Variants in CLDN18 observed in about 807,000 individuals in gnomAD.
CLDN18 encodes the protein claudin 18, also known as claudin-18.
In CLDN18, 20 loss-of-function variants were observed where a neutral mutation model predicts 25.0. That is an observed-to-expected ratio of 0.80 (90% CI 0.56 to 1.16). The LOEUF is 1.16. CLDN18 is among the 50% of genes most tolerant of loss of function. The pLI, the probability that CLDN18 is intolerant of heterozygous loss-of-function variation, is 0.00. For synonymous variants in CLDN18, 125 were observed against 135.6 expected (o/e 0.92, Z 0.54); for missense variants, 297 against 345.4 (o/e 0.86, Z 1.11).
At chr3:138,005,155 C>A (rs1297268691) in intron 1 of CLDN18, 1 of 152,032 alleles carries the variant, frequency 6.6e-6, no homozygotes, top group Non-Finnish European at 1.5e-5. Context: ...TACAAACTGA[C>A]AATTCAAGAA....
At chr3:138,016,177 C>CT (rs1942200836) in intron 1 of CLDN18, among the ~76,000 whole-genome samples, 1 of 152,072 alleles carries the variant, frequency 6.6e-6, no homozygotes, top group Non-Finnish European at 1.5e-5. Context: ...AAAACTGAGG[C>CT]TGGGGGTGAG....
At chr3:138,017,465 T>C (rs60023627) in intron 1 of CLDN18, among the ~76,000 whole-genome samples, 3,245 of 152,310 alleles carry the variant, frequency 0.021, 115 homozygotes, top group African/African-American at 0.065. Flanking sequence ...GGAATGAAGT[T>C]TTAAACCAAA....
intron 1 of CLDN18, among the ~76,000 whole-genome samples, chr3:138,021,612 G>A (rs540571053): frequency 1.1e-4 from 16 of 151,988 alleles, no homozygotes; most frequent in Non-Finnish European, 7.4e-5. Flanking sequence ...TATACATCCT[G>A]AAATTTTTAT....
chr3:138,027,445 A>G (rs1942339309), intron 3 of CLDN18, among the ~76,000 whole-genome samples: 1 of 152,228 alleles, frequency 6.6e-6, no homozygotes, highest in South Asian at 2.1e-4. Flanking sequence ...TTTGTCCCTC[A>G]TGCTCAGAAG....
chr3:138,019,748 A>G (rs1476490844), intron 1 of CLDN18, among the ~76,000 whole-genome samples: 1 of 147,786 alleles, frequency 6.8e-6, no homozygotes, highest in East Asian at 1.9e-4. Flanking sequence ...GCCTGTGTTG[A>G]AAAAAAACCA....
rs201924367 is a variant in CLDN18 at position 138,010,333 on chromosome 3, C to T, written c.108C>T (p.Tyr36=). ...ACATGTGGAGCACCCAGGACCTGTA[C>T]GACAACCCCGTCACCTCCGTGTTCC... ...GMDMWSTQDL[Y]DNPVTSVFQY... The change falls in exon 1 of 5, where the codon TAC becomes TAT. Residue 36 remains tyrosine (Y), a synonymous_variant. Transcript: ENST00000183605. 4.3e-6 allele frequency: 7 copies of T among 1,614,214 alleles called. No homozygotes were observed. The South Asian group carries it at 4.4e-5, about 10-fold the overall frequency.
intron 3 of CLDN18, among the ~76,000 whole-genome samples, chr3:138,027,141 T>C (rs1455240389): frequency 6.6e-6 from 1 of 152,110 alleles, no homozygotes; most frequent in Non-Finnish European, 1.5e-5. Context: ...GTGTAAAAAA[T>C]CAGAAGATCT....
chr3:137,999,032 G>A (rs772493450), exon 1 of CLDN18: 29 of 1,614,200 alleles, frequency 1.8e-5, no homozygotes, highest in Middle Eastern at 1.6e-4. Context: ...TCCTGTGTCC[G>A]AGAGAGCTCT....
rs1942284072 is a variant in CLDN18, at chr3:138,022,613, G to T, written c.221-1045G>T. 2.6e-5 allele frequency among the ~76,000 whole-genome samples: 4 copies of T among 152,194 alleles called. No individual in the cohort carries two copies. The South Asian group carries it at 8.3e-4, about 32-fold the overall frequency. On this transcript the variant is annotated intron_variant, in intron 1 of 4. Transcript: ENST00000183605. Reference sequence around the variant, plus strand: ...AGGAAAAAAGGGGATATACTGGAGGGATAAAACAATTGGTGTCTAGCACAT... The same window carrying T: ...AGGAAAAAAGGGGATATACTGGAGGTATAAAACAATTGGTGTCTAGCACAT...
chr3:138,002,142 C>A (rs1398787609), intron 1 of CLDN18, among the ~76,000 whole-genome samples: 1 of 152,172 alleles, frequency 6.6e-6, no homozygotes, highest in East Asian at 1.9e-4. Context: ...TTAGCCACCA[C>A]CCTCTCAGCG....
upstream of CLDN18, among the ~76,000 whole-genome samples, chr3:138,005,847 A>G (rs1230226738): frequency 6.6e-6 from 1 of 152,222 alleles, no homozygotes; most frequent in Admixed American, 6.5e-5. Context: ...AAAGAGTTAT[A>G]TGTAAGATGT....
At chr3:138,013,589 C>A (rs1942166548) in intron 1 of CLDN18, among the ~76,000 whole-genome samples, 1 of 152,218 alleles carries the variant, frequency 6.6e-6, no homozygotes, top group African/African-American at 2.4e-5. Context: ...CCACAACTAG[C>A]CATATGGCCC....
upstream of CLDN18, among the ~76,000 whole-genome samples, chr3:138,009,126 A>G (rs576512337): frequency 6.6e-5 from 10 of 152,360 alleles, no homozygotes; most frequent in South Asian, 2.1e-3. Flanking sequence ...TGTAGAAGAT[A>G]GTGTATGAGA....
Position 138,004,941 on chromosome 3 carries a change from T to C in CLDN18, c.220+5853T>C, listed in dbSNP as rs1942054194. ...CAACAAATATTTATTGAGCATACTT[T>C]ATGTACCAGGCACCAGGAAGCACAT... On this transcript the variant is annotated intron_variant, in intron 1 of 4. Coordinates refer to the CLDN18 transcript ENST00000343735. 2.6e-5 allele frequency: 4 copies of C among 152,074 alleles called. 1 individual carries two copies. In the South Asian group the frequency reaches 8.3e-4, roughly 31 times the overall value. The allele number at this position is 152,074 out of a possible 1,614,324, so 9.4% of individuals were successfully genotyped here.
chr3:138,016,791 C>T (rs1479806066), intron 1 of CLDN18, among the ~76,000 whole-genome samples: 1 of 152,164 alleles, frequency 6.6e-6, no homozygotes, highest in Non-Finnish European at 1.5e-5. Flanking sequence ...TGGTGGCTCA[C>T]TCCTGTAATC....
At chr3:138,009,860 GGTGGGGACAC>G (rs1397670983), upstream of CLDN18, 2 of 261,570 alleles carry the variant, frequency 7.6e-6, no homozygotes, top group Non-Finnish European at 1.5e-5. Flanking sequence ...CGTTCCCCGT[GGTGGGGACAC>G]GTCAGCCTTT....
At chr3:138,014,460 A>G (rs1431392809) in intron 1 of CLDN18, among the ~76,000 whole-genome samples, 1 of 151,940 alleles carries the variant, frequency 6.6e-6, no homozygotes, top group Non-Finnish European at 1.5e-5. Flanking sequence ...AAAACCCAGC[A>G]TGGCACACAA....
chr3:138,010,297 C>T lies in CLDN18; in HGVS notation c.72C>T (p.Ala24=), dbSNP rs756808279. ...SILGLAGCIA[A]TGMDMWSTQD... Reference sequence around the variant, plus strand: ...TGGGGCTGGCCGGCTGCATCGCGGCCACCGGGATGGACATGTGGAGCACCC... The same window carrying T: ...TGGGGCTGGCCGGCTGCATCGCGGCTACCGGGATGGACATGTGGAGCACCC... Residue 24 remains alanine (A), a synonymous_variant, in exon 1 of 5, where the codon GCC becomes GCT. Coordinates refer to ENST00000183605, the MANE Select transcript of CLDN18 (RefSeq NM_016369.4). 2 of 1,614,168 alleles carry T rather than the reference C, an allele frequency of 1.2e-6. No individual in the cohort carries two copies. The highest frequency in any genetic ancestry group is 8.5e-7 in the Non-Finnish European group (1 of 1,180,034).
At chr3:138,009,754 G>A (rs1942108653), upstream of CLDN18, among the ~76,000 whole-genome samples, 1 of 152,232 alleles carries the variant, frequency 6.6e-6, no homozygotes, top group Non-Finnish European at 1.5e-5. Context: ...CATGAGTTGT[G>A]AGGAGAAAAT....
Sources: allele counts gnomAD v4.1 joint callset (sites outside exome capture counted in the v4.1 genomes callset), GRCh38; gene constraint gnomAD v4.1.1; transcripts MANE v1.5; gene names NCBI Gene and HGNC (gene_info 2026-07-23, HGNC 2026-07-21).